The following STX8 variants were observed in gnomAD, a reference collection of about 807,000 sequenced individuals.
STX8 encodes syntaxin 8.
A neutral mutation model predicts 37.5 loss-of-function variants in STX8; 23 were observed. The observed-to-expected ratio is 0.61, with a 90% CI of 0.44 to 0.87. The LOEUF is 0.87. STX8 is among the 40% of genes least tolerant of loss of function. The pLI, the probability that STX8 is intolerant of heterozygous loss-of-function variation, is 0.00. For missense variants in STX8, 313 were observed against 284.7 expected, an observed-to-expected ratio of 1.10 and a Z score of -0.71; for synonymous variants, 115 against 99.1, an observed-to-expected ratio of 1.16 and a Z score of -0.95.
intron 3 of STX8, among the ~76,000 whole-genome samples, chr17:9,546,522 G>A (rs1906519917): frequency 6.6e-6 from 1 of 150,520 alleles, no homozygotes; most frequent in Non-Finnish European, 1.5e-5. Context: ...GTCAACAACC[G>A]GCGCCACTTC....
In STX8 at chr17:9,506,420, C is replaced by A. The variant is rs934055450; in HGVS notation, c.324-1258G>T. ...GTGCTCACCCGCTCCCCCCCCCCCC[C>A]ACCCACCTTTCTTAGGAAAGGACTA... On this transcript the variant is annotated intron_variant, in intron 4 of 7. Coordinates refer to ENST00000306357, the MANE Select transcript of STX8 (RefSeq NM_004853.3). 2.1e-4 allele frequency among the ~76,000 whole-genome samples: 22 copies of A among 104,118 alleles called. 3 individuals carry two copies. The highest frequency in any genetic ancestry group is 7.5e-4 in the East Asian group (2 of 2,682). 68.3% of individuals were successfully genotyped at this position (104,118 alleles called of 152,430 possible). A position where few individuals can be genotyped will look rare whatever the true frequency, so the allele number is the denominator to read the frequency against.
chr17:9,506,405 G>GCCCCCCCCCCCCCCCCCCCCCCCCCCCC (rs1471640649), intron 4 of STX8, among the ~76,000 whole-genome samples: 1 of 8,932 alleles, frequency 1.1e-4, no homozygotes, highest in Admixed American at 1.3e-3. Flanking sequence ...GTGCTCACCC[G>GCCCCCCCCCCCCCCCCCCCCCCCCCCCC]CTCCCCCCCC....
chr17:9,535,016 T>C (rs1905970504), intron 4 of STX8, among the ~76,000 whole-genome samples: 1 of 152,004 alleles, frequency 6.6e-6, no homozygotes. Context: ...AACTACTAAG[T>C]AAAAAATATC....
intron 6 of STX8, among the ~76,000 whole-genome samples, chr17:9,423,252 T>C (rs1314868451): frequency 1.3e-5 from 2 of 152,222 alleles, no homozygotes; most frequent in Non-Finnish European, 2.9e-5. Flanking sequence ...GAGGAAACTA[T>C]GGTCTGTTTT....
At chr17:9,502,757 G>A (rs987692687) in intron 5 of STX8, among the ~76,000 whole-genome samples, 1 of 152,088 alleles carries the variant, frequency 6.6e-6, no homozygotes, top group Non-Finnish European at 1.5e-5. Flanking sequence ...CAGGTGAATG[G>A]ATACACAGAT....
chr17:9,503,528 T>A (rs1379061910), intron 5 of STX8, among the ~76,000 whole-genome samples: 2 of 152,188 alleles, frequency 1.3e-5, no homozygotes, highest in African/African-American at 4.8e-5. Flanking sequence ...TCCTCCTCCC[T>A]CTTCCTTTTT....
chr17:9,378,720 G>A (rs1433504150), intron 6 of STX8, 67 bp from the exon 7 acceptor site: 3 of 1,207,766 alleles, frequency 2.5e-6, no homozygotes, highest in Middle Eastern at 1.9e-4. Context: ...TATCACAGCT[G>A]TGGTTGTTCA....
chr17:9,567,826 C>T (rs1218426447), intron 2 of STX8, among the ~76,000 whole-genome samples: 1 of 152,122 alleles, frequency 6.6e-6, no homozygotes, highest in Non-Finnish European at 1.5e-5. Flanking sequence ...AGCTGGACTA[C>T]AGGTGTGTGC....
At chr17:9,512,122 C>T (rs1905034104) in intron 4 of STX8, among the ~76,000 whole-genome samples, 1 of 152,116 alleles carries the variant, frequency 6.6e-6, no homozygotes, top group African/African-American at 2.4e-5. Context: ...TTATTTCATG[C>T]TCATGGATTG....
chr17:9,388,655 C>T (rs1912100357), intron 6 of STX8, among the ~76,000 whole-genome samples: 1 of 151,486 alleles, frequency 6.6e-6, no homozygotes, highest in Non-Finnish European at 1.5e-5. Flanking sequence ...AATACAAAAT[C>T]AGCCGGGTGT....
intron 6 of STX8, among the ~76,000 whole-genome samples, chr17:9,383,690 A>G (rs959941705): frequency 2.0e-5 from 3 of 152,258 alleles, no homozygotes; most frequent in African/African-American, 7.2e-5. Context: ...GTGCATTTGC[A>G]GATGACATGA....
intron 6 of STX8, among the ~76,000 whole-genome samples, chr17:9,394,814 TC>T (rs1477749368): frequency 1.3e-5 from 2 of 150,042 alleles, no homozygotes; most frequent in African/African-American, 4.9e-5. Context: ...ATGCCTGTAA[TC>T]CCAGCACTTT....
intron 6 of STX8, among the ~76,000 whole-genome samples, chr17:9,448,196 T>C (rs528603272): frequency 6.7e-6 from 1 of 148,968 alleles, no homozygotes; most frequent in Non-Finnish European, 1.5e-5. Flanking sequence ...AAAAGTTTGA[T>C]CCTCATTATT....
At chr17:9,431,713 C>T (rs1317936982) in intron 6 of STX8, among the ~76,000 whole-genome samples, 2 of 152,180 alleles carry the variant, frequency 1.3e-5, no homozygotes, top group Admixed American at 6.5e-5. Context: ...AGGTAAGGCT[C>T]ACTTGTTTAA....
At chr17:9,388,384 C>T (rs1232352788) in intron 6 of STX8, among the ~76,000 whole-genome samples, 1 of 151,562 alleles carries the variant, frequency 6.6e-6, no homozygotes, top group Admixed American at 6.6e-5. Context: ...AACAACTCTA[C>T]TTTTTAAGTT....
intron 7 of STX8, among the ~76,000 whole-genome samples, chr17:9,296,007 G>A (rs541605845): frequency 6.6e-5 from 10 of 152,010 alleles, no homozygotes; most frequent in South Asian, 2.1e-4. Context: ...TGGCTAACAC[G>A]GTGAAACCCT....
chr17:9,471,151 CTTTTT>C (rs34907512), intron 6 of STX8, among the ~76,000 whole-genome samples: 5 of 51,280 alleles, frequency 9.8e-5, no homozygotes, highest in South Asian at 1.9e-3. Context: ...CCGCACCCTG[CTTTTT>C]TTTTTTTTTT....
intron 6 of STX8, among the ~76,000 whole-genome samples, chr17:9,379,174 G>A (rs1911704997): frequency 6.6e-6 from 1 of 151,188 alleles, no homozygotes; most frequent in African/African-American, 2.4e-5. Flanking sequence ...GAACCCGGGA[G>A]GCAGAGGTTG....
chr17:9,541,282 G>A (rs1418835805), intron 4 of STX8, among the ~76,000 whole-genome samples: 1 of 152,126 alleles, frequency 6.6e-6, no homozygotes, highest in Non-Finnish European at 1.5e-5. Context: ...AGCAGACACG[G>A]AACAAATGAG....
Sources: allele counts gnomAD v4.1 joint callset (sites outside exome capture counted in the v4.1 genomes callset), GRCh38; gene constraint gnomAD v4.1.1; transcripts MANE v1.5; gene names NCBI Gene and HGNC (gene_info 2026-07-23, HGNC 2026-07-21).